LGR5: variants seen among roughly 807,000 people sequenced by gnomAD.
The protein encoded by LGR5 is leucine rich repeat containing G protein-coupled receptor 5.
Under a neutral mutation model 76.7 loss-of-function variants are expected in LGR5, and 54 were observed. That is an observed-to-expected ratio of 0.70 (90% CI 0.57 to 0.88). The LOEUF (loss-of-function observed/expected upper bound fraction) is 0.88. LGR5 is among the 40% of genes least tolerant of loss of function. The pLI is 0.00. For synonymous variants in LGR5, 406 were observed against 421.9 expected (o/e 0.96, Z 0.46); for missense variants, 1,078 against 1,073.3 (o/e 1.00, Z -0.06).
At chr12:71,451,519 A>G (rs2137209734) in intron 1 of LGR5, among the ~76,000 whole-genome samples, 1 of 152,130 alleles carries the variant, frequency 6.6e-6, no homozygotes, top group Middle Eastern at 3.4e-3. Context: ...GCTAACCTCT[A>G]TGAGTCTTTC....
chr12:71,584,747 G>A lies in LGR5; in HGVS notation c.*13G>A, dbSNP rs1234960450. On this transcript the variant is annotated 3_prime_UTR_variant, in exon 18 of 18. Transcript: ENST00000266674. ...CCCATGTCTCTAATTAATATGTGAA[G>A]GAAAATGTTTTCAAAGGTTGAGAAC... 3.1e-6 allele frequency: 5 copies of A among 1,600,194 alleles called. No individual in the cohort carries two copies. Among genetic ancestry groups the A allele is most frequent in the African/African-American group, 1.3e-5 (1 of 74,574 alleles).
intron 1 of LGR5, among the ~76,000 whole-genome samples, chr12:71,498,654 A>G (rs1874445391): frequency 1.3e-5 from 2 of 152,314 alleles, no homozygotes; most frequent in Admixed American, 1.3e-4. Flanking sequence ...ATCTCCAAAT[A>G]TCACCACTTT....
At chr12:71,561,925 A>G in intron 8 of LGR5, 73 bp downstream of exon 8, 1 of 894,150 alleles carries the variant, frequency 1.1e-6, no homozygotes, top group Non-Finnish European at 1.7e-6. Flanking sequence ...AATACAATGA[A>G]TATTCTATAT....
intron 1 of LGR5, among the ~76,000 whole-genome samples, chr12:71,481,598 A>T (rs1167086140): frequency 2.6e-5 from 4 of 152,050 alleles, no homozygotes; most frequent in Non-Finnish European, 4.4e-5. Flanking sequence ...TTATACTCAG[A>T]GCCTTTGCAT....
In LGR5 at chr12:71,491,774, G is replaced by A. The variant is rs186080655; in HGVS notation, c.213-12840G>A. 1.5e-3 allele frequency among the ~76,000 whole-genome samples: 217 copies of A among 148,186 alleles called. 2 individuals are homozygous for A. Among genetic ancestry groups the A allele is most frequent in the African/African-American group, 5.3e-3 (212 of 39,854 alleles). On this transcript the variant is annotated intron_variant, in intron 1 of 17. Coordinates refer to ENST00000266674, the MANE Select transcript of LGR5 (RefSeq NM_003667.4). ...ATCAAGTGAAATGCTAAAGAAGACA[G>A]AGCAGACATCTATCACTGTGAATCA...
chr12:71,522,569 T>TA (rs969216679), intron 2 of LGR5, among the ~76,000 whole-genome samples: 4 of 152,192 alleles, frequency 2.6e-5, no homozygotes, highest in African/African-American at 9.6e-5. Context: ...CAAAGGTTTT[T>TA]ATAAAACAAT....
chr12:71,482,659 G>A (rs1873659907), intron 1 of LGR5, among the ~76,000 whole-genome samples: 1 of 152,156 alleles, frequency 6.6e-6, no homozygotes, highest in Non-Finnish European at 1.5e-5. Context: ...GAGGGTGGGT[G>A]TTACTGGCAC....
At chr12:71,533,363 T>A (rs67502476) in intron 3 of LGR5, among the ~76,000 whole-genome samples, 13,855 of 151,972 alleles carry the variant, frequency 0.091, 671 homozygotes, top group Non-Finnish European at 0.11. Context: ...AAATAAATAA[T>A]TAAATAACTA....
intron 4 of LGR5, among the ~76,000 whole-genome samples, chr12:71,544,097 G>T (rs987216023): frequency 1.3e-5 from 2 of 152,090 alleles, no homozygotes; most frequent in Admixed American, 1.3e-4. Context: ...CCTTATTGGA[G>T]TCTTGCACTC....
intron 3 of LGR5, among the ~76,000 whole-genome samples, chr12:71,527,309 A>T (rs1217325970): frequency 6.6e-6 from 1 of 152,168 alleles, no homozygotes; most frequent in Non-Finnish European, 1.5e-5. Flanking sequence ...ATGATAACGG[A>T]ATACCGCAAA....
intron 3 of LGR5, among the ~76,000 whole-genome samples, chr12:71,526,004 A>G (rs1055419429): frequency 2.0e-5 from 3 of 152,064 alleles, no homozygotes; most frequent in African/African-American, 7.2e-5. Flanking sequence ...CAATGCACTA[A>G]AGATCTATGA....
chr12:71,451,850 G>T (rs1415329019), intron 1 of LGR5, among the ~76,000 whole-genome samples: 1 of 152,098 alleles, frequency 6.6e-6, no homozygotes, highest in Non-Finnish European at 1.5e-5. Flanking sequence ...GATAGCAAAT[G>T]ATTTTCTTGG....
At chr12:71,583,182 T>C (rs1398569842) in intron 17 of LGR5, among the ~76,000 whole-genome samples, 6 of 152,190 alleles carry the variant, frequency 3.9e-5, no homozygotes, top group Admixed American at 3.9e-4. Flanking sequence ...TGTCCCTTGC[T>C]CCCTAACCTC....
At chr12:71,456,418 T>G (rs1454042160) in intron 1 of LGR5, among the ~76,000 whole-genome samples, 1 of 152,158 alleles carries the variant, frequency 6.6e-6, no homozygotes, top group Non-Finnish European at 1.5e-5. Context: ...GATTCCTAAT[T>G]AACACCTTCA....
chr12:71,515,051 C>T (rs1030961042), intron 2 of LGR5, among the ~76,000 whole-genome samples: 3 of 152,186 alleles, frequency 2.0e-5, no homozygotes, highest in Admixed American at 6.5e-5. Context: ...TCCCATCTGA[C>T]CAGCAGGGGC....
At chr12:71,568,307 C>A (rs1013906788) in intron 11 of LGR5, among the ~76,000 whole-genome samples, 2 of 152,184 alleles carry the variant, frequency 1.3e-5, no homozygotes, top group Non-Finnish European at 2.9e-5. Flanking sequence ...AGCACAGGAT[C>A]TTGAGCACAT....
chr12:71,567,007 G>C, intron 11 of LGR5, 95 bp downstream of exon 11: 1 of 1,052,094 alleles, frequency 9.5e-7, no homozygotes, highest in Non-Finnish European at 1.5e-6. Flanking sequence ...TTTAAAAGAG[G>C]AGAAAGTTTT....
intron 1 of LGR5, chr12:71,448,775 G>A (rs1295577561): frequency 6.6e-6 from 1 of 152,302 alleles, no homozygotes; most frequent in African/African-American, 2.4e-5. Context: ...TTATTTCACA[G>A]TATTTGTTGA....
intron 1 of LGR5, among the ~76,000 whole-genome samples, chr12:71,467,168 A>T (rs1872900271): frequency 6.6e-6 from 1 of 152,164 alleles, no homozygotes. Flanking sequence ...AAAACCAATA[A>T]ATAGTGGAGT....
Sources: gnomAD v4.1 joint callset for allele counts (sites outside exome capture counted in the v4.1 genomes callset) on GRCh38, gnomAD v4.1.1 for gene constraint, MANE v1.5 for transcripts, NCBI Gene and HGNC (gene_info 2026-07-23, HGNC 2026-07-21) for gene names.